Variants in GDF3 observed in about 807,000 individuals in gnomAD.
The protein encoded by GDF3 is growth/differentiation factor 3.
Under a neutral mutation model 10.2 loss-of-function variants are expected in GDF3, and 10 were observed. That is an observed-to-expected ratio of 0.98 (90% CI 0.60 to 1.66). The LOEUF is 1.66. GDF3 is among the 40% of genes most tolerant of loss of function. The probability of loss-of-function intolerance (pLI) is 0.00; values close to 1 mark genes in which losing one functional copy is unlikely to be tolerated. For synonymous variants in GDF3, 166 were observed against 178.5 expected, an observed-to-expected ratio of 0.93 and a Z score of 0.56; for missense variants, 450 against 438.3, an observed-to-expected ratio of 1.03 and a Z score of -0.24.
chr12:7,690,771 G>A (rs760787205), intron 1 of GDF3, 67 bp from the exon 2 acceptor site: 68 of 891,940 alleles, frequency 7.6e-5, no homozygotes, highest in Non-Finnish European at 1.3e-4. Flanking sequence ...CTATATAATA[G>A]AAATGCCAGA....
In GDF3 at chr12:7,692,060, G is replaced by T. The variant is rs560686153; in HGVS notation, c.269-1356C>A. Among the ~76,000 whole-genome samples, 147 of 151,966 alleles carry T rather than the reference G, an allele frequency of 9.7e-4. 1 individual carries two copies. The highest frequency in any genetic ancestry group is 3.8e-3 in the South Asian group (18 of 4,790). ...AAAAGTTTTAAAAAAATTTTAAAATGTATTTCAATATTTAATTGGTTTCTT... is the reference window on the plus strand; with the variant it reads ...AAAAGTTTTAAAAAAATTTTAAAATTTATTTCAATATTTAATTGGTTTCTT... On this transcript the variant is annotated intron_variant, in intron 1 of 1. Transcript: ENST00000329913.
intron 1 of GDF3, among the ~76,000 whole-genome samples, chr12:7,691,216 A>G (rs1864126980): frequency 6.6e-6 from 1 of 152,072 alleles, no homozygotes; most frequent in Non-Finnish European, 1.5e-5. Context: ...AGATTCCTGG[A>G]TGAAATGTAG....
intron 1 of GDF3, among the ~76,000 whole-genome samples, chr12:7,693,113 T>C (rs1864149419): frequency 6.6e-6 from 1 of 152,202 alleles, no homozygotes; most frequent in African/African-American, 2.4e-5. Flanking sequence ...ATTTGCATCT[T>C]CAATTTCTCC....
chr12:7,692,832 A>G (rs560909657), intron 1 of GDF3, among the ~76,000 whole-genome samples: 14 of 151,760 alleles, frequency 9.2e-5, no homozygotes, highest in Non-Finnish European at 1.9e-4. Context: ...TTGTAGAGAT[A>G]GGGTCTCTCT....
intron 1 of GDF3, among the ~76,000 whole-genome samples, chr12:7,692,653 G>A (rs1864145545): frequency 1.3e-5 from 2 of 151,802 alleles, no homozygotes; most frequent in African/African-American, 4.8e-5. Flanking sequence ...GGGATTACAG[G>A]TGCACACCAC....
intron 1 of GDF3, 72 bp from the exon 2 acceptor site, chr12:7,690,776 G>T: frequency 1.1e-6 from 1 of 874,822 alleles, no homozygotes; most frequent in Non-Finnish European, 1.9e-6. Context: ...TAATAGAAAT[G>T]CCAGACACCC....
At chr12:7,692,050 AT>A (rs1565449437) in intron 1 of GDF3, among the ~76,000 whole-genome samples, 1 of 152,098 alleles carries the variant, frequency 6.6e-6, no homozygotes, top group African/African-American at 2.4e-5. Flanking sequence ...TTTTAAAAAA[AT>A]TTTAAAATGT....
intron 1 of GDF3, among the ~76,000 whole-genome samples, chr12:7,692,240 C>T (rs1052376324): frequency 6.6e-6 from 1 of 151,460 alleles, no homozygotes; most frequent in African/African-American, 2.4e-5. Flanking sequence ...CCAGACTGAC[C>T]AACATGGAGA....
Position 7,695,489 on chromosome 12 carries a change from C to T in GDF3, c.240G>A (p.Gly80=), listed in dbSNP as rs1021898446. ...LCYVKELGVR[G]NVLRFLPDQG... ...GGTCTGGGAGAAAGCGAAGTACATT[C>T]CCGCGGACGCCCAGCTCCTTTACGT... Residue 80 remains glycine, a synonymous_variant, in exon 1 of 2, where the codon GGG becomes GGA. Transcript: ENST00000329913. 9 of 1,614,006 alleles carry T rather than the reference C, an allele frequency of 5.6e-6. No individual in the cohort carries two copies. The highest frequency in any genetic ancestry group is 6.8e-6 in the Non-Finnish European group (8 of 1,180,008).
chr12:7,690,677 G>T lies in GDF3; in HGVS notation c.296C>A (p.Ser99Tyr). The T allele has an allele frequency of 6.2e-7, 1 of 1,612,586 alleles. No individual in the cohort carries two copies. The highest frequency in any genetic ancestry group is 8.5e-7 in the Non-Finnish European group (1 of 1,178,768). ...CTTCTGCAGGCAGGAGGAAGCTTGG[G>T]AAATTTTCTTTGGGTAAAGAAAGAA... ...QGFFLYPKKISQASSCLQKLL... is the reference protein window; with the variant it reads ...QGFFLYPKKIYQASSCLQKLL... Residue 99 changes from serine to tyrosine, a missense_variant, in exon 2 of 2, where the codon TCC (serine) becomes TAC (tyrosine). Coordinates refer to ENST00000329913, the MANE Select transcript of GDF3 (RefSeq NM_020634.3).
At chr12:7,694,435 T>G (rs1965646) in intron 1 of GDF3, among the ~76,000 whole-genome samples, 128,806 of 151,736 alleles carry the variant, frequency 0.85, 56,454 homozygotes, top group Non-Finnish European at 0.97. Context: ...TTAGCTGGGC[T>G]TGGTGACACA....
At position 7,695,723 on chromosome 12, in the gene GDF3, A is replaced by G; in HGVS notation, c.6T>C (p.Leu2=). 2 of 1,614,110 alleles carry G rather than the reference A, an allele frequency of 1.2e-6. No homozygotes were observed. The highest frequency in any genetic ancestry group is 1.7e-6 in the Non-Finnish European group (2 of 1,179,994). Residue 2 remains leucine, a synonymous_variant, in exon 1 of 2, where the codon CTT becomes CTC. Transcript: ENST00000329913. The stretch of plus-strand genomic sequence containing the variant: ...TGAAAGCCAAATCTGGCAAGAAACG[A>G]AGCATGGCCTCTGGAGTGGCTGTCA... The part of the protein sequence containing the change: M[L]RFLPDLAFSF...
chr12:7,691,231 T>G lies in GDF3; in HGVS notation c.269-527A>C, dbSNP rs112791002. 2.3e-3 allele frequency among the ~76,000 whole-genome samples: 343 copies of G among 151,768 alleles called. 3 individuals are homozygous for G. Among genetic ancestry groups the G allele is most frequent in the African/African-American group, 7.9e-3 (327 of 41,360 alleles). On this transcript the variant is annotated intron_variant, in intron 1 of 1. Coordinates refer to ENST00000329913, the MANE Select transcript of GDF3 (RefSeq NM_020634.3). ...AGATTCCTGGATGAAATGTAGAGGG[T>G]GCACGAACTTAGATGGGAAAAATAA...
chr12:7,690,821 C>T, intron 1 of GDF3, 117 bp from the exon 2 acceptor site: 6 of 687,750 alleles, frequency 8.7e-6, no homozygotes, highest in Non-Finnish European at 1.5e-5. Flanking sequence ...AAGACACAAG[C>T]CCTGTCATTT....
chr12:7,692,451 T>A (rs936388425), intron 1 of GDF3, among the ~76,000 whole-genome samples: 5 of 143,108 alleles, frequency 3.5e-5, no homozygotes, highest in Admixed American at 7.0e-5. Context: ...AAAAAAAAAA[T>A]AGCAACCTAG....
intron 1 of GDF3, among the ~76,000 whole-genome samples, chr12:7,693,371 ATTTTT>A (rs71038719): frequency 4.2e-5 from 4 of 95,962 alleles, no homozygotes; most frequent in South Asian, 8.1e-4. Flanking sequence ...CACCTGGCTA[ATTTTT>A]TTTTTTTTTT....
chr12:7,690,686 T>C lies in GDF3; in HGVS notation c.287A>G (p.Lys96Arg), dbSNP rs1422154711. The C allele has an allele frequency of 6.2e-7, 1 of 1,610,264 alleles. No individual in the cohort carries two copies. The change falls in exon 2 of 2, where the codon AAG becomes AGG. Residue 96 changes from lysine (K) to arginine (R), a missense_variant. By Grantham distance (26) the Lys-to-Arg change is conservative. Transcript: ENST00000329913. ...LPDQGFFLYP[K>R]KISQASSCLQ... ...GCAGGAGGAAGCTTGGGAAATTTTC[T>C]TTGGGTAAAGAAAGAAACCTAGATG...
chr12:7,690,179 T>C lies in GDF3; in HGVS notation c.794A>G (p.His265Arg), dbSNP rs1453762883. The change falls in exon 2 of 2, where the codon CAC (histidine) becomes CGC (arginine). Residue 265 changes from histidine to arginine, a missense_variant. His to Arg is a conservative substitution (Grantham distance 29, BLOSUM62 0). Transcript: ENST00000329913. Reference protein sequence around the residue: ...VPKLSCKNLCHRHQLFINFRD... With the variant: ...VPKLSCKNLCRRHQLFINFRD... Reference sequence around the variant, plus strand: ...GAAGTTAATGAATAGCTGGTGACGGTGGCAGAGGTTCTTACAAGAAAGCTT... The same window carrying C: ...GAAGTTAATGAATAGCTGGTGACGGCGGCAGAGGTTCTTACAAGAAAGCTT... 3 of 1,614,114 alleles carry C rather than the reference T, an allele frequency of 1.9e-6. No individual in the cohort carries two copies. Among genetic ancestry groups the C allele is most frequent in the African/African-American group, 2.7e-5 (2 of 75,030 alleles).
In GDF3 at chr12:7,691,783, G is replaced by A. The variant is rs369097210; in HGVS notation, c.269-1079C>T. On this transcript the variant is annotated intron_variant, in intron 1 of 1. Coordinates refer to ENST00000329913, the MANE Select transcript of GDF3 (RefSeq NM_020634.3). Reference sequence around the variant, plus strand: ...AGCACTTTGGGAGGCCGAGGCGGGCGGATCACGAGATGAGGAGATCGAGAC... The same window carrying A: ...AGCACTTTGGGAGGCCGAGGCGGGCAGATCACGAGATGAGGAGATCGAGAC... Among the ~76,000 whole-genome samples, 101 of 137,554 alleles carry A rather than the reference G, an allele frequency of 7.3e-4. No individual in the cohort carries two copies. The South Asian group carries it at 8.4e-3, about 11-fold the overall frequency. 90.2% of individuals were successfully genotyped at this position (137,554 alleles called of 152,430 possible). A position where few individuals can be genotyped will look rare whatever the true frequency, so the allele number is the denominator to read the frequency against.
Sources: allele counts gnomAD v4.1 joint callset (sites outside exome capture counted in the v4.1 genomes callset), GRCh38; gene constraint gnomAD v4.1.1; transcripts MANE v1.5; gene names NCBI Gene and HGNC (gene_info 2026-07-23, HGNC 2026-07-21).